TEX14: variants seen among roughly 807,000 people sequenced by gnomAD.
The protein encoded by TEX14 is testis expressed 14, intercellular bridge forming factor, also known as inactive serine/threonine-protein kinase TEX14.
Under a neutral mutation model 178.6 loss-of-function variants are expected in TEX14, and 168 were observed. The observed-to-expected ratio is 0.94, with a 90% CI of 0.83 to 1.07. The LOEUF (loss-of-function observed/expected upper bound fraction) is 1.07, where lower values mean the gene tolerates loss of function less well. Among genes scored for constraint, TEX14 ranks in the 50% least tolerant of loss-of-function variants. TEX14 has a pLI of 0.00. For missense variants in TEX14, 1,730 were observed against 1,753.6 expected, an observed-to-expected ratio of 0.99 and a Z score of 0.24; for synonymous variants, 626 against 634.1, an observed-to-expected ratio of 0.99 and a Z score of 0.19.
At chr17:58,566,210 A>T (rs1314082537) in intron 26 of TEX14, among the ~76,000 whole-genome samples, 3 of 152,232 alleles carry the variant, frequency 2.0e-5, no homozygotes. Context: ...AAGCACTCGC[A>T]TACATTAATT....
chr17:58,621,796 A>G lies in TEX14; in HGVS notation c.418-10T>C. 2 of 1,610,602 alleles carry G rather than the reference A, an allele frequency of 1.2e-6. No individual in the cohort carries two copies. The highest frequency in any genetic ancestry group is 1.7e-6 in the Non-Finnish European group (2 of 1,177,890). The stretch of plus-strand genomic sequence containing the variant: ...GCATGAACTCCACTATCTGCAAAAC[A>G]TCGCAGAGATGCCCAGTGCGGGCGC... On this transcript the variant is annotated splice_polypyrimidine_tract_variant and intron_variant, in intron 4 of 31. Transcript: ENST00000349033.
chr17:58,659,291 C>A (rs956621297), intron 1 of TEX14: 5 of 961,330 alleles, frequency 5.2e-6, no homozygotes, highest in South Asian at 9.6e-5. Flanking sequence ...CGTCTCTCCC[C>A]CGCCACAAAG....
At chr17:58,598,748 G>A (rs2045354176) in intron 14 of TEX14, 128 bp downstream of exon 14, 1 of 956,720 alleles carries the variant, frequency 1.0e-6, no homozygotes, top group Non-Finnish European at 1.6e-6. Flanking sequence ...TCCCACTCAG[G>A]TTACCTGATG....
chr17:58,674,382 A>C (rs1274287589), intron 1 of TEX14, among the ~76,000 whole-genome samples: 1 of 152,116 alleles, frequency 6.6e-6, no homozygotes, highest in East Asian at 1.9e-4. Context: ...TTTATGATGA[A>C]AGTCCGGCCA....
At chr17:58,592,755 TCTCGAA>T (rs2144442056) in intron 15 of TEX14, among the ~76,000 whole-genome samples, 1 of 152,186 alleles carries the variant, frequency 6.6e-6, no homozygotes, top group South Asian at 2.1e-4. Flanking sequence ...GCCAGGCTGC[TCTCGAA>T]CTCCTGACCT....
intron 3 of TEX14, among the ~76,000 whole-genome samples, chr17:58,629,748 T>A (rs1402387268): frequency 2.0e-5 from 3 of 150,456 alleles, no homozygotes; most frequent in Non-Finnish European, 4.4e-5. Flanking sequence ...GGCAGGAGAA[T>A]GGCGTGAACT....
rs1029731778 is a variant in TEX14 at position 58,659,249 on chromosome 17, C to T, written c.-1-7247G>A. The stretch of plus-strand genomic sequence containing the variant: ...GAGCAAACACATAGTAAAAACCCTC[C>T]CCCAAGAAAAACACTTTATCAGGAC... On this transcript the variant is annotated intron_variant, in intron 1 of 31. Transcript: ENST00000349033. 20 of 648,212 alleles carry T rather than the reference C, an allele frequency of 3.1e-5. No homozygotes were observed. In the Admixed American group the frequency reaches 1.3e-3, roughly 43 times the overall value. 40.2% of individuals were successfully genotyped at this position (648,212 alleles called of 1,614,324 possible).
intron 31 of TEX14, among the ~76,000 whole-genome samples, 176 bp downstream of exon 31, chr17:58,557,623 A>T (rs1304143332): frequency 6.6e-6 from 1 of 152,174 alleles, no homozygotes; most frequent in Non-Finnish European, 1.5e-5. Flanking sequence ...GTTGGCATTA[A>T]TTTCACTTTA....
At chr17:58,634,424 C>G (rs1348775891) in intron 2 of TEX14, among the ~76,000 whole-genome samples, 2 of 151,988 alleles carry the variant, frequency 1.3e-5, no homozygotes, top group African/African-American at 2.4e-5. Context: ...AATTAAAAAA[C>G]AAAGAAAGAA....
intron 22 of TEX14, among the ~76,000 whole-genome samples, chr17:58,573,612 G>A (rs1298868581): frequency 6.6e-6 from 1 of 152,064 alleles, no homozygotes; most frequent in African/African-American, 2.4e-5. Context: ...TCCGCCTCCC[G>A]GGTTCAAGTG....
chr17:58,676,864 C>T (rs2088891551), intron 1 of TEX14, among the ~76,000 whole-genome samples: 1 of 152,042 alleles, frequency 6.6e-6, no homozygotes, highest in South Asian at 2.1e-4. Flanking sequence ...GGTGGGGTGG[C>T]TCACGCCTGT....
chr17:58,690,185 G>C (rs2047670031), intron 1 of TEX14, among the ~76,000 whole-genome samples: 1 of 151,350 alleles, frequency 6.6e-6, no homozygotes, highest in African/African-American at 2.4e-5. Context: ...TTTTGTTTTT[G>C]AGATGGAGTC....
rs1014933315 is a variant in TEX14 at position 58,664,945 on chromosome 17, A to G, written c.-1-12943T>C. Among the ~76,000 whole-genome samples the G allele has an allele frequency of 1.6e-4, 25 of 152,150 alleles. 1 individual carries two copies. Among genetic ancestry groups the G allele is most frequent in the Non-Finnish European group, 3.1e-4 (21 of 68,036 alleles). The stretch of plus-strand genomic sequence containing the variant: ...AGGCAGTTTGGAAGGGCTGAAGTAT[A>G]AGTTTTCCAGGTAGATGAAGAAGGG... On this transcript the variant is annotated intron_variant, in intron 1 of 31. Transcript: ENST00000349033.
intron 28 of TEX14, 124 bp downstream of exon 28, chr17:58,564,745 C>G (rs1391087940): frequency 3.2e-5 from 17 of 535,616 alleles, no homozygotes; most frequent in Non-Finnish European, 4.8e-5. Flanking sequence ...GGAATAGGGG[C>G]TATTAGGATA....
At chr17:58,689,904 T>C (rs2047663781) in intron 1 of TEX14, among the ~76,000 whole-genome samples, 1 of 146,780 alleles carries the variant, frequency 6.8e-6, no homozygotes, top group African/African-American at 2.5e-5. Flanking sequence ...GGCTGGAATG[T>C]GGTGGCGTGA....
At chr17:58,664,354 T>C (rs2047171261) in intron 1 of TEX14, among the ~76,000 whole-genome samples, 1 of 152,224 alleles carries the variant, frequency 6.6e-6, no homozygotes, top group Admixed American at 6.5e-5. Flanking sequence ...CTTTTTCCTA[T>C]GCTGGGAGAA....
chr17:58,571,390 C>T lies in TEX14; in HGVS notation c.3717+531G>A, dbSNP rs117017536. On this transcript the variant is annotated intron_variant, in intron 24 of 31. Coordinates refer to ENST00000349033, the MANE Select transcript of TEX14 (RefSeq NM_031272.5). Reference sequence around the variant, plus strand: ...AGCTGAAACTACAGGCACATGGCACCATGTCCCAGCTAATTTTCTGTATCT... The same window carrying T: ...AGCTGAAACTACAGGCACATGGCACTATGTCCCAGCTAATTTTCTGTATCT... 9.0e-3 allele frequency among the ~76,000 whole-genome samples: 1,365 copies of T among 151,912 alleles called. 9 individuals are homozygous for T. Among genetic ancestry groups the T allele is most frequent in the Non-Finnish European group, 0.013 (862 of 67,946 alleles).
intron 15 of TEX14, among the ~76,000 whole-genome samples, chr17:58,592,051 GA>G (rs2045156377): frequency 2.1e-5 from 3 of 146,016 alleles, no homozygotes; most frequent in Admixed American, 7.0e-5. Flanking sequence ...CAACAAGAGT[GA>G]AACTCCATCT....
chr17:58,581,967 T>C (rs2144399108), intron 19 of TEX14, among the ~76,000 whole-genome samples: 1 of 152,254 alleles, frequency 6.6e-6, no homozygotes, highest in South Asian at 2.1e-4. Context: ...AGCCTCAGCA[T>C]CATCATCTGC....
Sources: allele counts gnomAD v4.1 joint callset (sites outside exome capture counted in the v4.1 genomes callset), GRCh38; gene constraint gnomAD v4.1.1; transcripts MANE v1.5; gene names NCBI Gene and HGNC (gene_info 2026-07-23, HGNC 2026-07-21).